The following SEMA3B variants were observed in gnomAD, a reference collection of about 807,000 sequenced individuals.
The protein encoded by SEMA3B is semaphorin-3B.
Under a neutral mutation model 77.8 loss-of-function variants are expected in SEMA3B, and 71 were observed. The ratio of observed to expected loss-of-function variants is 0.91; its 90% CI spans 0.75 to 1.11. The LOEUF (loss-of-function observed/expected upper bound fraction) is 1.11, where lower values mean the gene tolerates loss of function less well. SEMA3B is among the 50% of genes most tolerant of loss of function. SEMA3B has a pLI of 0.00. For missense variants in SEMA3B, 968 were observed against 1,056.8 expected (o/e 0.92, Z 1.17); for synonymous variants, 470 against 452.9 (o/e 1.04, Z -0.48).
chr3:50,276,551 G>A lies in SEMA3B; in HGVS notation c.2095G>A (p.Gly699Ser), dbSNP rs782820786. The stretch of plus-strand genomic sequence containing the variant: ...GGACTTTCTGCAGCTGGTGGAGCCG[G>A]GCGGAGGTGGCAGCGCGAACTCCCT... ...YRDFLQLVEP[G>S]GGGSANSLRM... is the part of the protein sequence containing the mutation. The change falls in exon 17 of 17, where the codon GGC becomes AGC. Residue 699 changes from glycine to serine, a missense_variant. Transcript: ENST00000616701. This position sits in a 1 kb window ranked among gnomAD's most constrained non-coding sequence, Gnocchi z 5.8. 5.9e-6 allele frequency: 9 copies of A among 1,537,962 alleles called. No individual in the cohort carries two copies. In the East Asian group the frequency reaches 7.4e-5, roughly 13 times the overall value.
At position 50,271,255 on chromosome 3, in the gene SEMA3B, A is replaced by G. The variant is rs1272386238; in HGVS notation, c.544+74A>G. 16 of 1,545,978 alleles carry G rather than the reference A, an allele frequency of 1.0e-5. No homozygotes were observed. In the East Asian group the frequency reaches 1.2e-4, roughly 12 times the overall value. On this transcript the variant is annotated intron_variant, in intron 5 of 16. Transcript: ENST00000616701. ...ACCTCACAAAGTCCCAAGACCCCCAAGAGCTCCAGGGAATCCCCCATAACC... is the reference window on the plus strand; with the variant it reads ...ACCTCACAAAGTCCCAAGACCCCCAGGAGCTCCAGGGAATCCCCCATAACC...
chr3:50,274,863 G>T lies in SEMA3B; in HGVS notation c.1378G>T (p.Val460Leu), dbSNP rs782701066. 1 of 1,611,202 alleles carries T rather than the reference G, an allele frequency of 6.2e-7. No individual in the cohort carries two copies. The highest frequency in any genetic ancestry group is 8.5e-7 in the Non-Finnish European group (1 of 1,179,796). ...IGTDVGTVLKVISVPKGSRPS... is the reference protein window; with the variant it reads ...IGTDVGTVLKLISVPKGSRPS... ...TGCAGACGTTGGCACGGTGCTGAAGGTGATCTCGGTCCCCAAGGGCAGTAG... is the reference window on the plus strand; with the variant it reads ...TGCAGACGTTGGCACGGTGCTGAAGTTGATCTCGGTCCCCAAGGGCAGTAG... The change falls in exon 12 of 17, where the codon GTG becomes TTG. Residue 460 changes from valine (V) to leucine (L), a missense_variant. Transcript: ENST00000616701. The surrounding 1 kb of genome is among the most constrained non-coding windows in gnomAD (Gnocchi z 4.7).
the SEMA3B span, chr3:50,260,781 G>A: frequency 6.6e-6 from 1 of 152,436 alleles, no homozygotes; most frequent in South Asian, 2.1e-4. Flanking sequence ...GGCCATGCGG[G>A]GCCTTGACAG....
In SEMA3B at chr3:50,271,135, G is replaced by T; in HGVS notation, c.498G>T (p.Gly166=). 1 of 1,585,680 alleles carries T rather than the reference G, an allele frequency of 6.3e-7. No homozygotes were observed. Among genetic ancestry groups the T allele is most frequent in the East Asian group, 2.3e-5 (1 of 43,516 alleles). Residue 166 remains glycine, a synonymous_variant, in exon 5 of 17, where the codon GGG becomes GGT. Transcript: ENST00000616701. The stretch of plus-strand genomic sequence containing the variant: ...CAGGAAGGATAGAGGATGGCAAGGG[G>T]AAGAGTCCTTATGACCCCAGGCATC... ...LDPGRIEDGK[G]KSPYDPRHRA...
In SEMA3B at chr3:50,274,716, CCA is replaced by C. The variant is rs775261217; in HGVS notation, c.1358-123_1358-122del. 7.9e-5 allele frequency: 109 copies of C among 1,384,054 alleles called. No homozygotes were observed. The highest frequency in any genetic ancestry group is 8.9e-5 in the Non-Finnish European group (89 of 1,004,924). The allele number at this position is 1,384,054 out of a possible 1,614,324, so 85.7% of individuals were successfully genotyped here. On this transcript the variant is annotated intron_variant, in intron 11 of 16. Transcript: ENST00000616701. This position sits in a 1 kb window ranked among gnomAD's most constrained non-coding sequence, Gnocchi z 4.7. ...CTCCACCCTGTGGATGCTGCCCAAC[CCA>C]CACTCTTCCAGTCCACACTCTTCAC...
rs1407308901 is a variant in SEMA3B at position 50,273,145 on chromosome 3, G to C, written c.665-153G>C. 1 of 1,218,422 alleles carries C rather than the reference G, an allele frequency of 8.2e-7. No homozygotes were observed. The highest frequency in any genetic ancestry group is 2.6e-5 in the East Asian group (1 of 38,352). The allele number at this position is 1,218,422 out of a possible 1,614,324, so 75.5% of individuals were successfully genotyped here. On this transcript the variant is annotated intron_variant, in intron 6 of 16. Transcript: ENST00000616701. This position sits in a 1 kb window ranked among gnomAD's most constrained non-coding sequence, Gnocchi z 6.5. ...TGATCCTTTGGATTCGGTCCGCGCAGAGCGCCAACTGGACATGGTGCTAGA... is the reference window on the plus strand; with the variant it reads ...TGATCCTTTGGATTCGGTCCGCGCACAGCGCCAACTGGACATGGTGCTAGA...
At position 50,273,919 on chromosome 3, in the gene SEMA3B, C is replaced by A; in HGVS notation, c.999C>A (p.Ile333=). 1 of 1,601,444 alleles carries A rather than the reference C, an allele frequency of 6.2e-7. No homozygotes were observed. Among genetic ancestry groups the A allele is most frequent in the East Asian group, 2.2e-5 (1 of 44,542 alleles). The change falls in exon 10 of 17, where the codon ATC becomes ATA. Residue 333 remains isoleucine, a synonymous_variant. Coordinates refer to ENST00000616701, the MANE Select transcript of SEMA3B (RefSeq NM_001290060.2). This position sits in a 1 kb window ranked among gnomAD's most constrained non-coding sequence, Gnocchi z 6.5. The part of the protein sequence containing the change: ...LYAVFSTSSS[I]FQGSAVCVYS... ...CCCTGGTCTTCGCCTCCAGCAGCAT[C>A]TTCCAGGGCTCTGCGGTGTGCGTGT...
At position 50,276,374 on chromosome 3, in the gene SEMA3B, G is replaced by A. The variant is rs587686284; in HGVS notation, c.1918G>A (p.Gly640Ser). 9.7e-5 allele frequency: 149 copies of A among 1,535,810 alleles called. 2 individuals are homozygous for A. The South Asian group carries it at 1.7e-3, about 18-fold the overall frequency. ...GCGCAGGCTGCGGCGCCGGGACTCG[G>A]GCGTGTACTTGTGCGCCGCCGTCGA... ...LLRRLRRRDSGVYLCAAVEQG... is the reference protein window; with the variant it reads ...LLRRLRRRDSSVYLCAAVEQG... The change falls in exon 17 of 17, where the codon GGC becomes AGC. Residue 640 changes from glycine to serine, a missense_variant. By Grantham distance (56) the Gly-to-Ser change is moderately conservative (BLOSUM62 0). Coordinates refer to ENST00000616701, the MANE Select transcript of SEMA3B (RefSeq NM_001290060.2). This position sits in a 1 kb window ranked among gnomAD's most constrained non-coding sequence, Gnocchi z 5.8.
rs1553706560 is a variant in SEMA3B, at chr3:50,275,832, A to G, written c.1833A>G (p.Thr611=). The G allele has an allele frequency of 6.2e-7, 1 of 1,604,114 alleles. No homozygotes were observed. The highest frequency in any genetic ancestry group is 1.1e-5 in the South Asian group (1 of 90,414). Residue 611 remains threonine (T), a synonymous_variant, in exon 16 of 17, where the codon ACA becomes ACG. Transcript: ENST00000616701. This position sits in a 1 kb window ranked among gnomAD's most constrained non-coding sequence, Gnocchi z 7.5. ...VEWTFQRAGV[T]AHTQVLAEER... is the part of the protein sequence containing the mutation. ...GGACTTTCCAGCGCGCAGGGGTGAC[A>G]GCCCACACCCAGGTGAGCCTTACTC...
Position 50,275,896 on chromosome 3 carries a change from C to A in SEMA3B, c.1845+52C>A. On this transcript the variant is annotated intron_variant, in intron 16 of 16. Coordinates refer to ENST00000616701, the MANE Select transcript of SEMA3B (RefSeq NM_001290060.2). This position sits in a 1 kb window ranked among gnomAD's most constrained non-coding sequence, Gnocchi z 7.5. Reference sequence around the variant, plus strand: ...AGGCTCCTGTCCCACCCCCTGCATCCAGGAGAGGCCCCGCCCTACCCAACG... The same window carrying A: ...AGGCTCCTGTCCCACCCCCTGCATCAAGGAGAGGCCCCGCCCTACCCAACG... The A allele has an allele frequency of 6.5e-7, 1 of 1,530,900 alleles. No homozygotes were observed. The highest frequency in any genetic ancestry group is 8.7e-7 in the Non-Finnish European group (1 of 1,144,852). The allele number at this position is 1,530,900 out of a possible 1,614,324, so 94.8% of individuals were successfully genotyped here.
Position 50,276,807 on chromosome 3 carries a change from G to A in SEMA3B, c.*101G>A. ...GACGGGTTGGGGCCGGGCACATTGG[G>A]GGTCACCGGCCGATGGAGACACCAA... On this transcript the variant is annotated 3_prime_UTR_variant, in exon 17 of 17. Coordinates refer to ENST00000616701, the MANE Select transcript of SEMA3B (RefSeq NM_001290060.2). The surrounding 1 kb of genome is among the most constrained non-coding windows in gnomAD (Gnocchi z 5.8). The A allele has an allele frequency of 2.2e-6, 3 of 1,340,902 alleles. No individual in the cohort carries two copies. The highest frequency in any genetic ancestry group is 2.9e-6 in the Non-Finnish European group (3 of 1,033,290). 83.1% of individuals were successfully genotyped at this position (1,340,902 alleles called of 1,614,324 possible). A position where few individuals can be genotyped will look rare whatever the true frequency, so the allele number is the denominator to read the frequency against.
Position 50,273,247 on chromosome 3 carries a change from AT to A in SEMA3B, c.665-50del. ...AGGGGAAGCAGCGCGTGGGTCTCGC[AT>A]CAGGAGGCAAGGCCAGGACCCGCTG... On this transcript the variant is annotated intron_variant, in intron 6 of 16. Transcript: ENST00000616701. This position sits in a 1 kb window ranked among gnomAD's most constrained non-coding sequence, Gnocchi z 6.5. The A allele has an allele frequency of 6.3e-7, 1 of 1,580,276 alleles. No individual in the cohort carries two copies. The highest frequency in any genetic ancestry group is 8.6e-7 in the Non-Finnish European group (1 of 1,162,616).
chr3:50,271,603 T>A, intron 6 of SEMA3B, 123 bp downstream of exon 6: 1 of 1,375,524 alleles, frequency 7.3e-7, no homozygotes, highest in Non-Finnish European at 9.8e-7. Flanking sequence ...CCCTCCTTAA[T>A]CAGGCACTGG....
At position 50,273,242 on chromosome 3, in the gene SEMA3B, C is replaced by T. The variant is rs1284669269; in HGVS notation, c.665-56C>T. On this transcript the variant is annotated intron_variant, in intron 6 of 16. Transcript: ENST00000616701. This position sits in a 1 kb window ranked among gnomAD's most constrained non-coding sequence, Gnocchi z 6.5. ...CGGGAAGGGGAAGCAGCGCGTGGGT[C>T]TCGCATCAGGAGGCAAGGCCAGGAC... 5 of 1,566,416 alleles carry T rather than the reference C, an allele frequency of 3.2e-6. No individual in the cohort carries two copies. The highest frequency in any genetic ancestry group is 4.3e-6 in the Non-Finnish European group (5 of 1,155,360).
Position 50,275,142 on chromosome 3 carries a change from G to A in SEMA3B, c.1491+89G>A. The A allele has an allele frequency of 6.7e-7, 1 of 1,490,150 alleles. No homozygotes were observed. Among genetic ancestry groups the A allele is most frequent in the Non-Finnish European group, 9.0e-7 (1 of 1,116,738 alleles). 92.3% of individuals were successfully genotyped at this position (1,490,150 alleles called of 1,614,324 possible). On this transcript the variant is annotated intron_variant, in intron 13 of 16. Coordinates refer to ENST00000616701, the MANE Select transcript of SEMA3B (RefSeq NM_001290060.2). The surrounding 1 kb of genome is among the most constrained non-coding windows in gnomAD (Gnocchi z 7.5). ...CTCTGGCCCCTTTTGGTAGTTTGCA[G>A]TCCCGGGTTTGAGTACAGGCTCTGG...
rs374413970 is a variant in SEMA3B, at chr3:50,273,791, C to T, written c.955C>T (p.Arg319Trp). The change falls in exon 9 of 17, where the codon CGG becomes TGG. Residue 319 changes from arginine to tryptophan, a missense_variant. Arg to Trp is a moderately radical substitution (Grantham distance 101, BLOSUM62 -3). Transcript: ENST00000616701. The surrounding 1 kb of genome is among the most constrained non-coding windows in gnomAD (Gnocchi z 6.5). ...GTTTCTGTTGTCCTCGCGGGACCAC[C>T]GGACCCCGCTGCTCTATGCCGTCTT... The part of the protein sequence containing the change: ...DVFLLSSRDH[R>W]TPLLYAVFST... 1,175 of 1,591,932 alleles carry T rather than the reference C, an allele frequency of 7.4e-4. No homozygotes were observed. The highest frequency in any genetic ancestry group is 9.5e-4 in the Non-Finnish European group (1,116 of 1,171,052).
At chr3:50,266,264 G>A (rs1404731904), upstream of SEMA3B, among the ~76,000 whole-genome samples, 4 of 152,150 alleles carry the variant, frequency 2.6e-5, no homozygotes, top group Non-Finnish European at 5.9e-5. Context: ...GCCTGCCCAG[G>A]TCCTCTAAGG....
At chr3:50,271,056 G>C (rs1701033950) in intron 4 of SEMA3B, 32 bp from the exon 5 acceptor site, 1 of 1,577,380 alleles carries the variant, frequency 6.3e-7, no homozygotes, top group Non-Finnish European at 8.6e-7. Flanking sequence ...GGTAAGAAGG[G>C]CCTGGTAGTC....
chr3:50,276,702 G>T lies in SEMA3B; in HGVS notation c.2246G>T (p.Trp749Leu). The T allele has an allele frequency of 6.6e-7, 1 of 1,521,202 alleles. No individual in the cohort carries two copies. Among genetic ancestry groups the T allele is most frequent in the Non-Finnish European group, 8.8e-7 (1 of 1,142,180 alleles). The allele number at this position is 1,521,202 out of a possible 1,614,324, so 94.2% of individuals were successfully genotyped here. Residue 749 changes from tryptophan (W) to leucine (L), a missense_variant, in exon 17 of 17, where the codon TGG (tryptophan) becomes TTG (leucine). By Grantham distance (61) the Trp-to-Leu change is moderately conservative. Transcript: ENST00000616701. This position sits in a 1 kb window ranked among gnomAD's most constrained non-coding sequence, Gnocchi z 5.8. ...AERGPRSATHW is the reference protein window; with the variant it reads ...AERGPRSATHL ...CGGGGGCCGCGCAGCGCAACGCACTGGTGACCAGACTGTCCCCACGCCGGG... is the reference window on the plus strand; with the variant it reads ...CGGGGGCCGCGCAGCGCAACGCACTTGTGACCAGACTGTCCCCACGCCGGG...
Sources: gnomAD v4.1 joint callset for allele counts (sites outside exome capture counted in the v4.1 genomes callset) on GRCh38, gnomAD v4.1.1 for gene constraint, Gnocchi (gnomAD v3.1) non-coding constraint, MANE v1.5 for transcripts, NCBI Gene and HGNC (gene_info 2026-07-23, HGNC 2026-07-21) for gene names.